ZFYVE9: variants seen among roughly 807,000 people sequenced by gnomAD.
ZFYVE9 encodes the protein zinc finger FYVE-type containing 9, also known as zinc finger FYVE domain-containing protein 9.
ZFYVE9 carries 43 observed loss-of-function variants against 126.7 expected under a neutral mutation model. The ratio of observed to expected loss-of-function variants is 0.34; its 90% CI spans 0.27 to 0.44. The LOEUF is 0.44. Ranked by LOEUF, ZFYVE9 falls within the 20% of genes least tolerant of loss-of-function variation. The pLI is 1.00. For missense variants in ZFYVE9, 1,476 were observed against 1,697.0 expected, an observed-to-expected ratio of 0.87 and a Z score of 2.29; for synonymous variants, 521 against 597.4, an observed-to-expected ratio of 0.87 and a Z score of 1.87.
Position 52,255,953 on chromosome 1 carries a change from CTTTTCTTTTCTT to C in ZFYVE9, c.2179-7817_2179-7806del, listed in dbSNP as rs757270068. On this transcript the variant is annotated intron_variant, in intron 4 of 18. Transcript: ENST00000287727. The stretch of plus-strand genomic sequence containing the variant: ...CTTTTCTTTTCTTTTCTTTTCTTTT[CTTTTCTTTTCTT>C]TTCTTTCTTTCTTTCTTTCCTTCCT... Among the ~76,000 whole-genome samples the C allele has an allele frequency of 5.3e-4, 54 of 101,254 alleles. 1 individual carries two copies. The highest frequency in any genetic ancestry group is 2.5e-3 in the African/African-American group (53 of 21,380). The allele number at this position is 101,254 out of a possible 152,430, so 66.4% of individuals were successfully genotyped here.
rs1335686491 is a variant in ZFYVE9, at chr1:52,217,047, C to T, written c.-37+573C>T. 4.6e-5 allele frequency among the ~76,000 whole-genome samples: 7 copies of T among 151,890 alleles called. No homozygotes were observed. The East Asian group carries it at 1.4e-3, about 29-fold the overall frequency. On this transcript the variant is annotated intron_variant, in intron 2 of 18. Transcript: ENST00000287727. ...TGTTGGAAACAAGTGCTTGATGTAG[C>T]CAAAAGAAACCCGCACTTAGACAGA... is the stretch of plus-strand genomic sequence containing the variant.
chr1:52,167,735 T>A (rs1453930516), intron 1 of ZFYVE9, among the ~76,000 whole-genome samples: 1 of 152,110 alleles, frequency 6.6e-6, no homozygotes, highest in African/African-American at 2.4e-5. Context: ...CTCTTGATTC[T>A]GCATATCCAA....
chr1:52,183,200 G>A (rs1644731040), intron 1 of ZFYVE9, among the ~76,000 whole-genome samples: 1 of 152,190 alleles, frequency 6.6e-6, no homozygotes, highest in Non-Finnish European at 1.5e-5. Flanking sequence ...GACCGTAAAA[G>A]GGAAAGGTTG....
At chr1:52,185,048 A>G (rs946197635) in intron 1 of ZFYVE9, among the ~76,000 whole-genome samples, 2 of 152,194 alleles carry the variant, frequency 1.3e-5, no homozygotes, top group Non-Finnish European at 2.9e-5. Flanking sequence ...ATGACGTACA[A>G]CATTTTTTGT....
At chr1:52,278,396 TC>T (rs1326626302) in intron 8 of ZFYVE9, 95 bp from the exon 9 acceptor site, 3 of 1,492,132 alleles carry the variant, frequency 2.0e-6, no homozygotes, top group Non-Finnish European at 2.8e-6. Context: ...CAAATGCATG[TC>T]TCTTTTCTGT....
chr1:52,298,557 A>T (rs1645999765), intron 12 of ZFYVE9, among the ~76,000 whole-genome samples: 2 of 152,036 alleles, frequency 1.3e-5, no homozygotes, highest in South Asian at 4.1e-4. Context: ...GTTTTGTAGT[A>T]TATTTGGTCA....
chr1:52,241,232 T>C (rs1572128261), intron 4 of ZFYVE9, among the ~76,000 whole-genome samples: 1 of 152,152 alleles, frequency 6.6e-6, no homozygotes, highest in East Asian at 1.9e-4. Flanking sequence ...AAATGGTTCC[T>C]AGGTGAGCAG....
At chr1:52,342,518 T>A (rs971304143) in intron 17 of ZFYVE9, among the ~76,000 whole-genome samples, 9 of 144,168 alleles carry the variant, frequency 6.2e-5, no homozygotes, top group African/African-American at 2.3e-4. Context: ...AATCCGCCCG[T>A]CTTGGCCTCC....
chr1:52,331,683 C>T (rs554585380), intron 13 of ZFYVE9, among the ~76,000 whole-genome samples: 3 of 146,978 alleles, frequency 2.0e-5, no homozygotes, highest in South Asian at 2.2e-4. Flanking sequence ...ACCCAGGAGG[C>T]GGAGGTTGCA....
intron 9 of ZFYVE9, among the ~76,000 whole-genome samples, chr1:52,281,291 C>T (rs1013626120): frequency 6.6e-6 from 1 of 151,984 alleles, no homozygotes; most frequent in African/African-American, 2.4e-5. Context: ...CGCCACTGCA[C>T]CCAGCTAATT....
intron 10 of ZFYVE9, among the ~76,000 whole-genome samples, chr1:52,291,885 C>CAAA (rs1171027696): frequency 7.7e-4 from 45 of 58,364 alleles, no homozygotes; most frequent in South Asian, 5.9e-3. Context: ...GACTCTGTCT[C>CAAA]AAAAAAAAAA....
chr1:52,204,498 G>C (rs901499748), intron 1 of ZFYVE9, among the ~76,000 whole-genome samples: 9 of 152,236 alleles, frequency 5.9e-5, no homozygotes, highest in African/African-American at 2.2e-4. Flanking sequence ...AGGCTGAGGT[G>C]GGCAGACCAC....
At chr1:52,284,164 T>A (rs537000834) in intron 10 of ZFYVE9, among the ~76,000 whole-genome samples, 11 of 152,290 alleles carry the variant, frequency 7.2e-5, no homozygotes, top group African/African-American at 2.6e-4. Flanking sequence ...TTGTTCAGTG[T>A]GCTGAATTTG....
chr1:52,165,692 T>A (rs1644507046), intron 1 of ZFYVE9, among the ~76,000 whole-genome samples: 1 of 152,224 alleles, frequency 6.6e-6, no homozygotes, highest in Non-Finnish European at 1.5e-5. Flanking sequence ...GGTTTTGCTG[T>A]TAAGAGTTTA....
At chr1:52,295,259 AGC>A (rs1645961941) in intron 11 of ZFYVE9, among the ~76,000 whole-genome samples, 1 of 152,122 alleles carries the variant, frequency 6.6e-6, no homozygotes, top group Non-Finnish European at 1.5e-5. Context: ...AAACTTATTG[AGC>A]ACAGAGGAAT....
chr1:52,266,405 T>TTAAAAAAAAAAAA (rs1181730554), intron 5 of ZFYVE9, among the ~76,000 whole-genome samples: 2 of 85,628 alleles, frequency 2.3e-5, no homozygotes, highest in African/African-American at 9.6e-5. Context: ...TCTAATTCTT[T>TTAAAAAAAAAAAA]AAAAAAAAAA....
chr1:52,179,133 G>C (rs1444488422), intron 1 of ZFYVE9, among the ~76,000 whole-genome samples: 1 of 152,178 alleles, frequency 6.6e-6, no homozygotes, highest in Non-Finnish European at 1.5e-5. Flanking sequence ...TGAATTGTTA[G>C]GATTGATTGG....
At chr1:52,276,201 C>T (rs150371433) in intron 8 of ZFYVE9, among the ~76,000 whole-genome samples, 5 of 152,224 alleles carry the variant, frequency 3.3e-5, no homozygotes, top group Non-Finnish European at 7.4e-5. Context: ...CTACCATGCC[C>T]GGTCTGACAA....
Position 52,278,482 on chromosome 1 carries a change from C to G in ZFYVE9, c.2747-10C>G. On this transcript the variant is annotated splice_polypyrimidine_tract_variant and intron_variant, in intron 8 of 18. Coordinates refer to ENST00000287727, the MANE Select transcript of ZFYVE9 (RefSeq NM_004799.4). Reference sequence around the variant, plus strand: ...TAACCAATCTATTACATTGTTTTCTCCCCTTTCAGACTATGCTGTGGAAGA... The same window carrying G: ...TAACCAATCTATTACATTGTTTTCTGCCCTTTCAGACTATGCTGTGGAAGA... The G allele has an allele frequency of 6.2e-7, 1 of 1,614,022 alleles. No individual in the cohort carries two copies. Among genetic ancestry groups the G allele is most frequent in the Non-Finnish European group, 8.5e-7 (1 of 1,179,956 alleles).
Sources: allele counts gnomAD v4.1 joint callset (sites outside exome capture counted in the v4.1 genomes callset), GRCh38; gene constraint gnomAD v4.1.1; transcripts MANE v1.5; gene names NCBI Gene and HGNC (gene_info 2026-07-23, HGNC 2026-07-21).